FAM135B: variants seen among roughly 807,000 people sequenced by gnomAD.
FAM135B encodes the protein family with sequence similarity 135 member B, also known as protein FAM135B.
A neutral mutation model predicts 127.7 loss-of-function variants in FAM135B; 43 were observed. The ratio of observed to expected loss-of-function variants is 0.34; its 90% CI spans 0.26 to 0.43. FAM135B has a LOEUF of 0.43. Ranked by LOEUF, FAM135B falls within the 20% of genes least tolerant of loss-of-function variation. The pLI is 1.00. For synonymous variants in FAM135B, 670 were observed against 665.1 expected, an observed-to-expected ratio of 1.01 and a Z score of -0.11; for missense variants, 1,558 against 1,725.6, an observed-to-expected ratio of 0.90 and a Z score of 1.72.
rs148653822 is a variant in FAM135B, at chr8:138,131,513, G to A, written c.*1080C>T. 3.9e-5 allele frequency: 6 copies of A among 152,690 alleles called. No individual in the cohort carries two copies. The East Asian group carries it at 1.2e-3, about 29-fold the overall frequency. 9.5% of individuals were successfully genotyped at this position (152,690 alleles called of 1,614,324 possible). A position where few individuals can be genotyped will look rare whatever the true frequency, so the allele number is the denominator to read the frequency against. On this transcript the variant is annotated 3_prime_UTR_variant, in exon 20 of 20. Transcript: ENST00000395297. Reference sequence around the variant, plus strand: ...TCGTCTATTGGTTTTTATCAACGCAGTGACCTTTCCTAGCCCTTTATTTTC... The same window carrying A: ...TCGTCTATTGGTTTTTATCAACGCAATGACCTTTCCTAGCCCTTTATTTTC...
intron 7 of FAM135B, among the ~76,000 whole-genome samples, chr8:138,223,421 C>G (rs1391406860): frequency 6.6e-6 from 1 of 152,162 alleles, no homozygotes; most frequent in African/African-American, 2.4e-5. Context: ...AAAGAAGGGC[C>G]TCCTAAACCA....
At chr8:138,327,002 C>G (rs1454691262) in intron 2 of FAM135B, among the ~76,000 whole-genome samples, 3 of 152,102 alleles carry the variant, frequency 2.0e-5, no homozygotes, top group Non-Finnish European at 4.4e-5. Flanking sequence ...TGCTAGATCT[C>G]ATGACTGCTA....
chr8:138,477,855 C>T (rs1033715492), intron 1 of FAM135B, among the ~76,000 whole-genome samples: 1 of 152,116 alleles, frequency 6.6e-6, no homozygotes, highest in Non-Finnish European at 1.5e-5. Flanking sequence ...CTTCCTGCTT[C>T]CTATATATCA....
chr8:138,290,707 G>C (rs1825045017), intron 3 of FAM135B, among the ~76,000 whole-genome samples: 1 of 152,144 alleles, frequency 6.6e-6, no homozygotes, highest in Admixed American at 6.5e-5. Context: ...AGCAGAGAGA[G>C]ACTTAGTGCA....
At chr8:138,272,913 T>TACCTGTGA (rs1348199377) in intron 3 of FAM135B, among the ~76,000 whole-genome samples, 1 of 152,204 alleles carries the variant, frequency 6.6e-6, no homozygotes, top group Non-Finnish European at 1.5e-5. Context: ...ATACACTGTA[T>TACCTGTGA]ACCTGTGAAC....
Position 138,243,192 on chromosome 8 carries a change from C to T in FAM135B, c.543-124G>A, listed in dbSNP as rs1820979806. On this transcript the variant is annotated intron_variant, in intron 6 of 19. Coordinates refer to ENST00000395297, the MANE Select transcript of FAM135B (RefSeq NM_015912.4). This position sits in a 1 kb window ranked among gnomAD's most constrained non-coding sequence, Gnocchi z 7.5. ...GATAAGTCATTTAGGAGTAGTTCAC[C>T]CCCTAGGGAGTGTTTGCATGTGACA... 3 of 1,136,670 alleles carry T rather than the reference C, an allele frequency of 2.6e-6. No individual in the cohort carries two copies. 70.4% of individuals were successfully genotyped at this position (1,136,670 alleles called of 1,614,324 possible). A position where few individuals can be genotyped will look rare whatever the true frequency, so the allele number is the denominator to read the frequency against.
intron 4 of FAM135B, among the ~76,000 whole-genome samples, chr8:138,261,026 A>G (rs1476538502): frequency 6.6e-6 from 1 of 151,842 alleles, no homozygotes; most frequent in Non-Finnish European, 1.5e-5. Context: ...ACTGCTTTTT[A>G]TGGGCCTTGC....
intron 7 of FAM135B, among the ~76,000 whole-genome samples, chr8:138,214,605 A>G (rs1448445670): frequency 1.3e-5 from 2 of 152,230 alleles, no homozygotes; most frequent in African/African-American, 2.4e-5. Flanking sequence ...CAAGAAAAAC[A>G]CCATGTAAAA....
intron 2 of FAM135B, among the ~76,000 whole-genome samples, chr8:138,324,637 T>C (rs561006331): frequency 6.6e-6 from 1 of 152,336 alleles, no homozygotes; most frequent in African/African-American, 2.4e-5. Context: ...TCATCTCATG[T>C]AATCATCAAA....
intron 1 of FAM135B, among the ~76,000 whole-genome samples, chr8:138,443,114 T>C (rs1042311065): frequency 1.3e-5 from 2 of 152,116 alleles, no homozygotes; most frequent in South Asian, 2.1e-4. Context: ...TGTGGAGTTG[T>C]GTGCAAAGGA....
chr8:138,186,209 G>C (rs1238872522), intron 9 of FAM135B, among the ~76,000 whole-genome samples: 2 of 152,140 alleles, frequency 1.3e-5, no homozygotes, highest in Non-Finnish European at 2.9e-5. Flanking sequence ...CACATCAGCA[G>C]GGTCCACCTT....
At chr8:138,365,489 A>C (rs1830679633) in intron 2 of FAM135B, among the ~76,000 whole-genome samples, 1 of 152,062 alleles carries the variant, frequency 6.6e-6, no homozygotes, top group Non-Finnish European at 1.5e-5. Context: ...TTATGCTTAC[A>C]AGTCTATATA....
At chr8:138,179,059 C>T (rs1385685196) in intron 9 of FAM135B, among the ~76,000 whole-genome samples, 2 of 152,156 alleles carry the variant, frequency 1.3e-5, no homozygotes, top group Non-Finnish European at 2.9e-5. Flanking sequence ...AAACATCTTG[C>T]ACCTTGAATG....
chr8:138,214,094 T>C (rs1239613433), intron 7 of FAM135B, among the ~76,000 whole-genome samples: 2 of 152,174 alleles, frequency 1.3e-5, no homozygotes, highest in African/African-American at 4.8e-5. Context: ...GTCTATATTC[T>C]ATGCCTTCAC....
intron 1 of FAM135B, chr8:138,439,317 A>G (rs897572195): frequency 6.6e-6 from 1 of 152,212 alleles, no homozygotes; most frequent in Non-Finnish European, 1.5e-5. Flanking sequence ...AGGACAATAA[A>G]TGACGTTCAA....
chr8:138,388,649 G>A (rs1352443615), intron 1 of FAM135B, among the ~76,000 whole-genome samples: 3 of 152,158 alleles, frequency 2.0e-5, no homozygotes, highest in African/African-American at 7.2e-5. Flanking sequence ...ATCTGAAAAT[G>A]CTATATACCA....
chr8:138,331,422 T>C (rs572962939), intron 2 of FAM135B, among the ~76,000 whole-genome samples: 34 of 152,196 alleles, frequency 2.2e-4, no homozygotes, highest in Non-Finnish European at 4.0e-4. Context: ...AATAGATTAA[T>C]TCCTTTTTAA....
At chr8:138,216,117 T>C (rs1414051778) in intron 7 of FAM135B, among the ~76,000 whole-genome samples, 1 of 152,144 alleles carries the variant, frequency 6.6e-6, no homozygotes, top group Admixed American at 6.6e-5. Flanking sequence ...AAGACTTGGT[T>C]CCAATAGGGT....
intron 1 of FAM135B, among the ~76,000 whole-genome samples, chr8:138,406,138 G>A (rs1833472698): frequency 6.6e-6 from 1 of 150,466 alleles, no homozygotes; most frequent in Admixed American, 6.6e-5. Context: ...TGAGTAGGTT[G>A]CGAAAATTTT....
Sources: allele counts gnomAD v4.1 joint callset (sites outside exome capture counted in the v4.1 genomes callset), GRCh38; gene constraint gnomAD v4.1.1; non-coding constraint Gnocchi (gnomAD v3.1); transcripts MANE v1.5; gene names NCBI Gene and HGNC (gene_info 2026-07-23, HGNC 2026-07-21).